Variants in WDR49 observed in about 807,000 individuals in gnomAD.
WDR49 encodes the protein WD repeat domain 49.
WDR49 carries 107 observed loss-of-function variants against 119.5 expected under a neutral mutation model. That is an observed-to-expected ratio of 0.90 (90% CI 0.77 to 1.05). The LOEUF (loss-of-function observed/expected upper bound fraction) is 1.05, where lower values mean the gene tolerates loss of function less well. Among genes scored for constraint, WDR49 ranks in the 50% least tolerant of loss-of-function variants. The pLI is 0.00. For missense variants in WDR49, 1,240 were observed against 1,220.5 expected (o/e 1.02, Z -0.24); for synonymous variants, 425 against 418.8 (o/e 1.01, Z -0.18).
chr3:167,569,115 C>T lies in WDR49; in HGVS notation c.1509+6803G>A, dbSNP rs574059680. Among the ~76,000 whole-genome samples, 3 of 151,746 alleles carry T rather than the reference C, an allele frequency of 2.0e-5. No individual in the cohort carries two copies. In the East Asian group the frequency reaches 5.9e-4, roughly 30 times the overall value. On this transcript the variant is annotated intron_variant, in intron 8 of 18. Coordinates refer to ENST00000682715, the MANE Select transcript of WDR49 (RefSeq NM_001366157.1). ...CACCACCACACCTGGCTAATTTTTT[C>T]GTATTTTTAGTAGAGATGGGGTTTT...
chr3:167,656,771 A>G (rs559374349), upstream of WDR49, among the ~76,000 whole-genome samples: 2 of 152,298 alleles, frequency 1.3e-5, no homozygotes, highest in African/African-American at 2.4e-5. Context: ...TGTAAAATCC[A>G]TAACTAGTGT....
intron 5 of WDR49, 35 bp from the exon 6 acceptor site, chr3:167,604,503 AG>A (rs1363998646): frequency 1.3e-6 from 2 of 1,533,576 alleles, no homozygotes; most frequent in Non-Finnish European, 1.8e-6. Context: ...AACAATCTTT[AG>A]TTGATTCTTC....
intron 18 of WDR49, among the ~76,000 whole-genome samples, chr3:167,490,098 T>C (rs1438547509): frequency 1.3e-5 from 2 of 152,110 alleles, no homozygotes; most frequent in Non-Finnish European, 2.9e-5. Context: ...TATTGTCAAA[T>C]GTCCTTTTAT....
chr3:167,615,927 T>C (rs1426389522), intron 5 of WDR49, among the ~76,000 whole-genome samples: 2 of 152,210 alleles, frequency 1.3e-5, no homozygotes, highest in African/African-American at 4.8e-5. Context: ...TGCAGAAGGA[T>C]ACTTCGTTAA....
intron 7 of WDR49, among the ~76,000 whole-genome samples, chr3:167,587,432 C>A (rs565976548): frequency 4.5e-4 from 69 of 152,244 alleles, no homozygotes; most frequent in African/African-American, 1.6e-3. Flanking sequence ...CTACAAGGTG[C>A]CAAGCACTGT....
chr3:167,564,643 T>C (rs185741222), intron 8 of WDR49, among the ~76,000 whole-genome samples: 52 of 152,138 alleles, frequency 3.4e-4, no homozygotes, highest in Non-Finnish European at 3.4e-4. Flanking sequence ...AAAATGGTGC[T>C]AACAACCACA....
At chr3:167,519,471 A>T (rs1045744485) in intron 16 of WDR49, among the ~76,000 whole-genome samples, 12 of 152,172 alleles carry the variant, frequency 7.9e-5, no homozygotes, top group Admixed American at 7.9e-4. Context: ...GGAATGAGAT[A>T]ATGTCCTCTG....
At chr3:167,626,018 T>C (rs913816774) in intron 3 of WDR49, among the ~76,000 whole-genome samples, 1 of 151,962 alleles carries the variant, frequency 6.6e-6, no homozygotes, top group Non-Finnish European at 1.5e-5. Flanking sequence ...CAGATCTTCG[T>C]TGAAACAAAC....
At chr3:167,609,413 T>C (rs1405714739) in intron 5 of WDR49, among the ~76,000 whole-genome samples, 11 of 152,054 alleles carry the variant, frequency 7.2e-5, no homozygotes, top group Admixed American at 6.6e-4. Flanking sequence ...AGAGCAATTA[T>C]GTAGTATTGA....
At chr3:167,605,524 G>A (rs770721587) in intron 5 of WDR49, among the ~76,000 whole-genome samples, 6 of 152,040 alleles carry the variant, frequency 3.9e-5, no homozygotes, top group Non-Finnish European at 8.8e-5. Flanking sequence ...CAATTATATG[G>A]CCCCAAACTT....
chr3:167,533,842 G>A (rs927889201), intron 11 of WDR49, among the ~76,000 whole-genome samples: 3 of 152,184 alleles, frequency 2.0e-5, no homozygotes, highest in Admixed American at 2.0e-4. Flanking sequence ...AAGGAGAGCA[G>A]AAGAGTTTGG....
intron 7 of WDR49, among the ~76,000 whole-genome samples, chr3:167,582,130 A>G (rs933251414): frequency 6.6e-6 from 1 of 151,960 alleles, no homozygotes; most frequent in Admixed American, 6.6e-5. Context: ...AGCAATCCAC[A>G]CAAATGGATA....
intron 8 of WDR49, among the ~76,000 whole-genome samples, chr3:167,572,128 C>T (rs929564928): frequency 8.5e-5 from 13 of 152,150 alleles, no homozygotes; most frequent in Middle Eastern, 3.2e-3. Context: ...GATCTGCCTC[C>T]AGGATATTGG....
At chr3:167,516,792 G>C (rs1752226088) in intron 16 of WDR49, among the ~76,000 whole-genome samples, 1 of 152,034 alleles carries the variant, frequency 6.6e-6, no homozygotes, top group Non-Finnish European at 1.5e-5. Flanking sequence ...CTACAGAATG[G>C]GAGAAAATTT....
rs143563584 is a variant in WDR49 at position 167,558,185 on chromosome 3, A to G, written c.1674+1879T>C. On this transcript the variant is annotated intron_variant, in intron 9 of 18. Transcript: ENST00000682715. Reference sequence around the variant, plus strand: ...AGAAAACAGTAACAGTGGTAGCCTCAGAGAAGGAGCTGGAAACAGGGATGA... The same window carrying G: ...AGAAAACAGTAACAGTGGTAGCCTCGGAGAAGGAGCTGGAAACAGGGATGA... Among the ~76,000 whole-genome samples, 1,122 of 152,312 alleles carry G rather than the reference A, an allele frequency of 7.4e-3. 16 individuals carry two copies. Among genetic ancestry groups the G allele is most frequent in the African/African-American group, 0.025 (1,056 of 41,564 alleles).
intron 7 of WDR49, among the ~76,000 whole-genome samples, chr3:167,582,322 T>G (rs1293337534): frequency 6.6e-6 from 1 of 152,182 alleles, no homozygotes; most frequent in Non-Finnish European, 1.5e-5. Flanking sequence ...ACTATTCTAC[T>G]GAATACCTTG....
At chr3:167,481,844 C>A (rs1255065542) in intron 18 of WDR49, among the ~76,000 whole-genome samples, 2 of 152,142 alleles carry the variant, frequency 1.3e-5, no homozygotes, top group African/African-American at 4.8e-5. Flanking sequence ...GATTCAATTA[C>A]CTCCCCCTAG....
rs771249100 is a variant in WDR49, at chr3:167,478,862, G to A, written c.*16C>T. The A allele has an allele frequency of 6.5e-7, 1 of 1,536,824 alleles. No individual in the cohort carries two copies. The highest frequency in any genetic ancestry group is 1.8e-5 in the Admixed American group (1 of 54,554). Reference sequence around the variant, plus strand: ...TATCTGTACCTTATGTAACAGTGAAGGTTTTTCTGTTGTAATTACTTCTTA... The same window carrying A: ...TATCTGTACCTTATGTAACAGTGAAAGTTTTTCTGTTGTAATTACTTCTTA... On this transcript the variant is annotated 3_prime_UTR_variant, in exon 19 of 19. Transcript: ENST00000682715.
At chr3:167,594,930 C>G (rs552135060) in intron 7 of WDR49, among the ~76,000 whole-genome samples, 2 of 150,948 alleles carry the variant, frequency 1.3e-5, no homozygotes, top group Non-Finnish European at 2.9e-5. Flanking sequence ...GTCAAATTGT[C>G]CCTCTTTGCA....
Sources: allele counts gnomAD v4.1 joint callset (sites outside exome capture counted in the v4.1 genomes callset), GRCh38; gene constraint gnomAD v4.1.1; transcripts MANE v1.5; gene names NCBI Gene and HGNC (gene_info 2026-07-23, HGNC 2026-07-21).